Variants in KIAA0825 observed in about 807,000 individuals in gnomAD.
KIAA0825 encodes the protein uncharacterized protein KIAA0825.
A neutral mutation model predicts 147.6 loss-of-function variants in KIAA0825; 119 were observed. The observed-to-expected ratio is 0.81, with a 90% CI of 0.69 to 0.94. The LOEUF (loss-of-function observed/expected upper bound fraction) is 0.94. KIAA0825 is among the 40% of genes least tolerant of loss of function. The pLI is 0.00. For missense variants in KIAA0825, 1,381 were observed against 1,472.7 expected (o/e 0.94, Z 1.02); for synonymous variants, 470 against 518.1 (o/e 0.91, Z 1.26).
intron 20 of KIAA0825, among the ~76,000 whole-genome samples, chr5:94,219,268 CT>C (rs533409597): frequency 9.2e-4 from 140 of 152,076 alleles, no homozygotes; most frequent in African/African-American, 3.2e-3. Context: ...ATCTAGATCC[CT>C]CGCATGCACA....
At chr5:94,465,175 T>C (rs1760331071) in intron 10 of KIAA0825, 116 bp from the exon 11 acceptor site, 4 of 865,706 alleles carry the variant, frequency 4.6e-6, no homozygotes, top group Non-Finnish European at 6.8e-6. Flanking sequence ...TTTGACACAC[T>C]AGAAGACCAA....
chr5:94,550,752 G>A (rs1052184652), intron 2 of KIAA0825, among the ~76,000 whole-genome samples: 1 of 151,614 alleles, frequency 6.6e-6, no homozygotes, highest in Non-Finnish European at 1.5e-5. Flanking sequence ...TGAGGCAGGA[G>A]AATGGCGTGA....
intron 20 of KIAA0825, among the ~76,000 whole-genome samples, chr5:94,290,204 A>G (rs1777826030): frequency 6.6e-6 from 1 of 152,186 alleles, no homozygotes; most frequent in Non-Finnish European, 1.5e-5. Context: ...TTACATAGAT[A>G]TACATGTGCC....
At chr5:94,473,182 A>G (rs949862440) in intron 8 of KIAA0825, 110 bp downstream of exon 8, 2 of 798,618 alleles carry the variant, frequency 2.5e-6, no homozygotes, top group Non-Finnish European at 4.0e-6. Context: ...AGTACCAAGT[A>G]CTTGCCAAGG....
chr5:94,239,335 G>A (rs2150101483), intron 20 of KIAA0825, among the ~76,000 whole-genome samples: 1 of 152,288 alleles, frequency 6.6e-6, no homozygotes, highest in South Asian at 2.1e-4. Flanking sequence ...CGGTCTCAGA[G>A]TTCTGTGTAA....
chr5:94,548,899 C>A (rs1224443210), intron 2 of KIAA0825, among the ~76,000 whole-genome samples: 1 of 152,112 alleles, frequency 6.6e-6, no homozygotes, highest in Admixed American at 6.5e-5. Context: ...AATATATATG[C>A]ACCCAACACT....
At chr5:94,253,489 T>A (rs1412804290) in intron 20 of KIAA0825, among the ~76,000 whole-genome samples, 1 of 152,126 alleles carries the variant, frequency 6.6e-6, no homozygotes, top group East Asian at 1.9e-4. Context: ...GGAACATTAT[T>A]ATTTGGGTTA....
chr5:94,520,283 C>T lies in KIAA0825; in HGVS notation c.935G>A (p.Ser312Asn). ...CACTGCTCCTCTATGCTTGCTGGAG[C>T]TCTTGCTTGTTTTAACCACACGAAC... ...NAVRVVKTSKSSSKHRGAVHA... is the reference protein window; with the variant it reads ...NAVRVVKTSKNSSKHRGAVHA... Residue 312 changes from serine to asparagine, a missense_variant, in exon 5 of 21, where the codon AGC (serine) becomes AAC (asparagine). Coordinates refer to ENST00000682413, the MANE Select transcript of KIAA0825 (RefSeq NM_001145678.3). The T allele has an allele frequency of 6.2e-7, 1 of 1,612,872 alleles. No homozygotes were observed. The highest frequency in any genetic ancestry group is 8.5e-7 in the Non-Finnish European group (1 of 1,179,302).
intron 20 of KIAA0825, among the ~76,000 whole-genome samples, chr5:94,372,882 T>C (rs1584292439): frequency 6.6e-6 from 1 of 152,216 alleles, no homozygotes; most frequent in East Asian, 1.9e-4. Context: ...GCTTGAATGC[T>C]TTGCCACTTA....
intron 20 of KIAA0825, among the ~76,000 whole-genome samples, chr5:94,156,988 TA>T (rs71615117): frequency 0.09 from 13,450 of 149,274 alleles, 754 homozygotes; most frequent in Middle Eastern, 0.17. Context: ...TCAATTCTGT[TA>T]AAAAAAAAAT....
In KIAA0825 at chr5:94,153,897, T is replaced by G; in HGVS notation, c.*110A>C. On this transcript the variant is annotated 3_prime_UTR_variant, in exon 21 of 21. Transcript: ENST00000682413. ...TTCAGTACAGAGATTACTCAGTCAT[T>G]GGTTTCATGCTTCACAGCACATATG... is the stretch of plus-strand genomic sequence containing the variant. 1 of 675,934 alleles carries G rather than the reference T, an allele frequency of 1.5e-6. No individual in the cohort carries two copies. Among genetic ancestry groups the G allele is most frequent in the South Asian group, 1.9e-5 (1 of 52,926 alleles). The allele number at this position is 675,934 out of a possible 1,614,324, so 41.9% of individuals were successfully genotyped here. A position where few individuals can be genotyped will look rare whatever the true frequency, so the allele number is the denominator to read the frequency against.
chr5:94,494,314 CTTTTTTTTTTTTT>C lies in KIAA0825; in HGVS notation c.971-9397_971-9385del, dbSNP rs530332272. Among the ~76,000 whole-genome samples the C allele has an allele frequency of 1.6e-4, 18 of 111,862 alleles. No homozygotes were observed. In the East Asian group the frequency reaches 4.3e-3, roughly 27 times the overall value. 73.4% of individuals were successfully genotyped at this position (111,862 alleles called of 152,430 possible). On this transcript the variant is annotated intron_variant, in intron 5 of 20. Coordinates refer to ENST00000682413, the MANE Select transcript of KIAA0825 (RefSeq NM_001145678.3). ...TCTTGTCCCTCTCCTATATTCAATC[CTTTTTTTTTTTTT>C]TTTTTTTTTTTGACTGAGAACATGA...
chr5:94,157,283 C>T (rs1767125382), intron 20 of KIAA0825, among the ~76,000 whole-genome samples: 1 of 152,106 alleles, frequency 6.6e-6, no homozygotes, highest in African/African-American at 2.4e-5. Context: ...CAACCTGGCC[C>T]CACAGCTGGT....
intron 20 of KIAA0825, among the ~76,000 whole-genome samples, chr5:94,320,217 G>A (rs1283807688): frequency 1.3e-5 from 2 of 151,824 alleles, no homozygotes; most frequent in Non-Finnish European, 2.9e-5. Flanking sequence ...CATAATATTT[G>A]TACATATTTA....
intron 20 of KIAA0825, among the ~76,000 whole-genome samples, chr5:94,362,351 A>C (rs183000630): frequency 2.6e-4 from 40 of 152,342 alleles, no homozygotes; most frequent in Middle Eastern, 6.8e-3. Context: ...AAGTAGGGTA[A>C]CATTCATTCA....
At chr5:94,333,631 C>G (rs531942180) in intron 20 of KIAA0825, among the ~76,000 whole-genome samples, 1 of 152,198 alleles carries the variant, frequency 6.6e-6, no homozygotes, top group African/African-American at 2.4e-5. Context: ...TTACTGTAGC[C>G]TTGTAGTATA....
intron 20 of KIAA0825, among the ~76,000 whole-genome samples, chr5:94,362,978 A>G (rs1435129458): frequency 6.6e-6 from 1 of 152,206 alleles, no homozygotes. Context: ...ACTATCTTCT[A>G]GCCATTTACA....
At chr5:94,593,129 T>A (rs1784641686) in intron 1 of KIAA0825, 1 of 745,588 alleles carries the variant, frequency 1.3e-6, no homozygotes, top group African/African-American at 1.7e-5. Flanking sequence ...GTGAATGTGT[T>A]ATACATCACA....
At chr5:94,494,441 C>G (rs1008044909) in intron 5 of KIAA0825, among the ~76,000 whole-genome samples, 2 of 150,936 alleles carry the variant, frequency 1.3e-5, no homozygotes, top group Non-Finnish European at 2.9e-5. Flanking sequence ...TGAATTCAGC[C>G]AAAACTGAGA....
Sources: gnomAD v4.1 joint callset for allele counts (sites outside exome capture counted in the v4.1 genomes callset) on GRCh38, gnomAD v4.1.1 for gene constraint, MANE v1.5 for transcripts, NCBI Gene and HGNC (gene_info 2026-07-23, HGNC 2026-07-21) for gene names.